The following ANKFN1 variants were observed in gnomAD, a reference collection of about 807,000 sequenced individuals.
ANKFN1 encodes ankyrin repeat and fibronectin type III domain containing 1, also known as ankyrin repeat and fibronectin type-III domain-containing protein 1.
Under a neutral mutation model 108.7 loss-of-function variants are expected in ANKFN1, and 74 were observed. The observed-to-expected ratio is 0.68, with a 90% CI of 0.56 to 0.83. The LOEUF (loss-of-function observed/expected upper bound fraction) is 0.83. Among genes scored for constraint, ANKFN1 ranks in the 40% least tolerant of loss-of-function variants. The pLI, the probability that ANKFN1 is intolerant of heterozygous loss-of-function variation, is 0.00. For missense variants in ANKFN1, 1,505 were observed against 1,382.3 expected (o/e 1.09, Z -1.41); for synonymous variants, 547 against 516.2 (o/e 1.06, Z -0.81).
chr17:56,103,364 C>T (rs1473601458), intron 4 of ANKFN1, among the ~76,000 whole-genome samples: 1 of 152,176 alleles, frequency 6.6e-6, no homozygotes, highest in East Asian at 1.9e-4. Flanking sequence ...GTTATCAAGT[C>T]TGGAAAAGGC....
At chr17:56,369,098 T>G (rs2046741626) in intron 6 of ANKFN1, among the ~76,000 whole-genome samples, 1 of 152,234 alleles carries the variant, frequency 6.6e-6, no homozygotes, top group Non-Finnish European at 1.5e-5. Flanking sequence ...TCCAGCTATT[T>G]ACGCACACCT....
chr17:56,225,937 A>G (rs948672562), intron 2 of ANKFN1, among the ~76,000 whole-genome samples: 2 of 152,240 alleles, frequency 1.3e-5, no homozygotes, highest in Non-Finnish European at 2.9e-5. Flanking sequence ...AGTAATAGAC[A>G]GATAATTTTC....
At chr17:56,458,039 A>G (rs2049774222) in intron 14 of ANKFN1, 60 bp downstream of exon 14, 6 of 1,385,928 alleles carry the variant, frequency 4.3e-6, no homozygotes, top group Non-Finnish European at 5.1e-6. Flanking sequence ...TAGAAAATTC[A>G]GTTACCAGTC....
intron 2 of ANKFN1, among the ~76,000 whole-genome samples, chr17:56,217,195 C>G (rs921730636): frequency 2.0e-5 from 3 of 152,124 alleles, no homozygotes; most frequent in Non-Finnish European, 4.4e-5. Context: ...TTCACACTGC[C>G]CTCTCTTCTC....
At chr17:56,265,202 A>C (rs2043617140) in intron 3 of ANKFN1, among the ~76,000 whole-genome samples, 1 of 152,204 alleles carries the variant, frequency 6.6e-6, no homozygotes, top group Non-Finnish European at 1.5e-5. Flanking sequence ...ACTGCTCTAA[A>C]GATACTACCT....
chr17:56,343,269 G>A (rs113504790), intron 4 of ANKFN1, among the ~76,000 whole-genome samples: 1,772 of 151,810 alleles, frequency 0.012, 50 homozygotes, highest in African/African-American at 0.04. Flanking sequence ...TGAAGGTGTC[G>A]TGTTTGTGTT....
chr17:56,188,577 G>A (rs62072998), intron 1 of ANKFN1, among the ~76,000 whole-genome samples: 2,292 of 79,926 alleles, frequency 0.029, 35 homozygotes, highest in East Asian at 0.035. Context: ...GTGTGTGTGT[G>A]TGTGTATATA....
At chr17:56,366,353 A>G (rs144073890) in intron 6 of ANKFN1, among the ~76,000 whole-genome samples, 1 of 152,310 alleles carries the variant, frequency 6.6e-6, no homozygotes, top group African/African-American at 2.4e-5. Context: ...GAAGGAGCCA[A>G]CCATAGCTCA....
intron 1 of ANKFN1, among the ~76,000 whole-genome samples, chr17:56,211,540 A>G (rs1486680934): frequency 6.6e-6 from 1 of 152,102 alleles, no homozygotes; most frequent in Non-Finnish European, 1.5e-5. Context: ...CAGGTAATGT[A>G]ATATCTCCAG....
chr17:56,156,396 C>T (rs1909123538), intron 1 of ANKFN1: 1 of 152,142 alleles, frequency 6.6e-6, no homozygotes, highest in Non-Finnish European at 1.5e-5. Context: ...CCTGTTTCCT[C>T]ACCTCTTAAA....
chr17:56,183,265 G>A (rs1214339044), intron 1 of ANKFN1, among the ~76,000 whole-genome samples: 1 of 152,106 alleles, frequency 6.6e-6, no homozygotes, highest in Non-Finnish European at 1.5e-5. Flanking sequence ...TCCTGGCAGA[G>A]TACATTGACA....
At chr17:56,482,641 G>T in intron 18 of ANKFN1, 117 bp downstream of exon 18, 1 of 1,255,608 alleles carries the variant, frequency 8.0e-7, no homozygotes, top group Non-Finnish European at 1.1e-6. Flanking sequence ...TGATGGCTTT[G>T]GCAACAACCC....
At chr17:56,373,511 C>G (rs148367704) in intron 7 of ANKFN1, among the ~76,000 whole-genome samples, 1 of 152,098 alleles carries the variant, frequency 6.6e-6, no homozygotes, top group African/African-American at 2.4e-5. Context: ...AGAAGGAGAT[C>G]GTAACTAAAC....
intron 4 of ANKFN1, among the ~76,000 whole-genome samples, chr17:56,132,442 A>G (rs1421489982): frequency 6.6e-6 from 1 of 152,056 alleles, no homozygotes; most frequent in East Asian, 1.9e-4. Flanking sequence ...TATCTAGTAT[A>G]TTTCATAAGA....
At chr17:56,471,784 G>A (rs1011098957) in intron 15 of ANKFN1, 1 of 152,234 alleles carries the variant, frequency 6.6e-6, no homozygotes, top group Admixed American at 6.5e-5. Context: ...AAAGAAGCCA[G>A]ACACAAAGTG....
intron 1 of ANKFN1, among the ~76,000 whole-genome samples, chr17:56,160,946 G>A (rs930017273): frequency 6.6e-6 from 1 of 152,226 alleles, no homozygotes; most frequent in African/African-American, 2.4e-5. Context: ...GAACCTTGGG[G>A]TGTGAAGTTG....
At chr17:56,270,748 C>T (rs1411392145) in intron 3 of ANKFN1, among the ~76,000 whole-genome samples, 2 of 152,180 alleles carry the variant, frequency 1.3e-5, no homozygotes, top group Non-Finnish European at 1.5e-5. Context: ...CTTCTGTTCT[C>T]TAACTTGAAC....
At chr17:56,301,779 A>T (rs1486868825) in intron 3 of ANKFN1, among the ~76,000 whole-genome samples, 1 of 152,226 alleles carries the variant, frequency 6.6e-6, no homozygotes, top group African/African-American at 2.4e-5. Flanking sequence ...ATGAACACCG[A>T]ACCAGGGTAC....
Position 56,446,927 on chromosome 17 carries a change from C to T in ANKFN1, c.1100-2152C>T, listed in dbSNP as rs191667154. On this transcript the variant is annotated intron_variant, in intron 10 of 20. Coordinates refer to ENST00000682825, the MANE Select transcript of ANKFN1 (RefSeq NM_001370326.1). ...CTCAAAACAAAAACAAAAACAAAAA[C>T]CTCACTTTATAGGCCAGGCCAACAG... is the stretch of plus-strand genomic sequence containing the variant. 5.3e-5 allele frequency among the ~76,000 whole-genome samples: 8 copies of T among 151,658 alleles called. No homozygotes were observed. In the South Asian group the frequency reaches 1.7e-3, roughly 32 times the overall value.
Sources: allele counts gnomAD v4.1 joint callset (sites outside exome capture counted in the v4.1 genomes callset), GRCh38; gene constraint gnomAD v4.1.1; transcripts MANE v1.5; gene names NCBI Gene and HGNC (gene_info 2026-07-23, HGNC 2026-07-21).